The following NEDD4 variants were observed in gnomAD, a reference collection of about 807,000 sequenced individuals.
NEDD4 encodes the protein E3 ubiquitin-protein ligase NEDD4.
NEDD4 carries 99 observed loss-of-function variants against 144.9 expected under a neutral mutation model. The observed-to-expected ratio is 0.68, with a 90% CI of 0.58 to 0.81. The LOEUF is 0.81. Among genes scored for constraint, NEDD4 ranks in the 30% least tolerant of loss-of-function variants. NEDD4 has a pLI of 0.00. For missense variants in NEDD4, 985 were observed against 1,065.9 expected (o/e 0.92, Z 1.06); for synonymous variants, 318 against 350.6 (o/e 0.91, Z 1.04).
chr15:55,838,686 A>G lies in NEDD4; in HGVS notation c.2032-82T>C, dbSNP rs1310405681. 7.1e-6 allele frequency: 6 copies of G among 844,620 alleles called. No homozygotes were observed. In the East Asian group the frequency reaches 1.6e-4, roughly 22 times the overall value. 52.3% of individuals were successfully genotyped at this position (844,620 alleles called of 1,614,324 possible). A position where few individuals can be genotyped will look rare whatever the true frequency, so the allele number is the denominator to read the frequency against. On this transcript the variant is annotated intron_variant, in intron 21 of 28. Transcript: ENST00000435532. ...AAAAAACAGTATGTAGAGGGTCTGA[A>G]TAATTGGGTAAAAGATGAGAGGTCA...
At chr15:55,852,339 T>C in intron 13 of NEDD4, 85 bp downstream of exon 13, 3 of 1,393,256 alleles carry the variant, frequency 2.2e-6, no homozygotes, top group Non-Finnish European at 2.9e-6. Flanking sequence ...GTATCCAGTG[T>C]ATCCTACAAA....
intron 1 of NEDD4, among the ~76,000 whole-genome samples, chr15:55,978,994 AT>A (rs2037750966): frequency 6.6e-6 from 1 of 150,842 alleles, no homozygotes; most frequent in African/African-American, 2.4e-5. Context: ...GTCTTGAGAG[AT>A]TTTATCTTTT....
intron 5 of NEDD4, among the ~76,000 whole-genome samples, chr15:55,912,914 C>T (rs1189956185): frequency 6.6e-6 from 1 of 152,038 alleles, no homozygotes; most frequent in Non-Finnish European, 1.5e-5. Flanking sequence ...AGATAGACTA[C>T]AAAGTCTCAT....
chr15:55,902,422 T>C (rs1352059996), intron 5 of NEDD4, among the ~76,000 whole-genome samples: 3 of 152,166 alleles, frequency 2.0e-5, no homozygotes, highest in South Asian at 2.1e-4. Context: ...GCTTTATATA[T>C]GTAAAAGGCT....
intron 11 of NEDD4, among the ~76,000 whole-genome samples, chr15:55,857,256 T>C (rs150216881): frequency 0.013 from 1,981 of 152,330 alleles, 23 homozygotes; most frequent in Non-Finnish European, 0.018. Flanking sequence ...ATTTATTCTT[T>C]AGGTCTTTGA....
intron 5 of NEDD4, among the ~76,000 whole-genome samples, chr15:55,892,200 G>C (rs2035589953): frequency 6.6e-6 from 1 of 151,732 alleles, no homozygotes; most frequent in South Asian, 2.1e-4. Flanking sequence ...TGGAGGGGCA[G>C]AGGCTGCAGT....
intron 4 of NEDD4, among the ~76,000 whole-genome samples, chr15:55,949,403 A>C (rs1346055840): frequency 2.0e-5 from 3 of 152,328 alleles, no homozygotes; most frequent in African/African-American, 4.8e-5. Context: ...CGATTCCTCA[A>C]GGATCTAGAA....
chr15:55,884,603 AAAT>A (rs1260936740), intron 5 of NEDD4, among the ~76,000 whole-genome samples: 7 of 152,110 alleles, frequency 4.6e-5, no homozygotes, highest in Non-Finnish European at 1.0e-4. Context: ...AAAGAGATTA[AAAT>A]AATTAAAAAG....
At position 55,850,548 on chromosome 15, in the gene NEDD4, G is replaced by T. The variant is rs749912748; in HGVS notation, c.1341C>A (p.Thr447=). The T allele has an allele frequency of 6.2e-7, 1 of 1,613,898 alleles. No homozygotes were observed. Among genetic ancestry groups the T allele is most frequent in the Admixed American group, 1.7e-5 (1 of 60,002 alleles). Reference sequence around the variant, plus strand: ...GGAAAAGTATCAAAGTTACCCAGGTGGTGGTTTTAGTGTTGTGGTCAATAA... The same window carrying T: ...GGAAAAGTATCAAAGTTACCCAGGTTGTGGTTTTAGTGTTGTGGTCAATAA... ...PFFIDHNTKT[T]TWEDPRLKIP... Residue 447 remains threonine, a synonymous_variant, in exon 14 of 29, where the codon ACC becomes ACA. Transcript: ENST00000435532.
intron 4 of NEDD4, among the ~76,000 whole-genome samples, chr15:55,934,417 C>A (rs1018596687): frequency 1.5e-4 from 23 of 152,052 alleles, no homozygotes; most frequent in African/African-American, 5.6e-4. Context: ...CTGCTACGAA[C>A]ATTGGTGCGC....
chr15:55,869,779 T>A (rs1164143516), intron 7 of NEDD4, 98 bp from the exon 8 acceptor site: 1 of 748,580 alleles, frequency 1.3e-6, no homozygotes, highest in Non-Finnish European at 2.2e-6. Flanking sequence ...TACCAGGGGG[T>A]CTACAAAGGG....
At chr15:55,903,214 T>A (rs1490885495) in intron 5 of NEDD4, among the ~76,000 whole-genome samples, 1 of 152,172 alleles carries the variant, frequency 6.6e-6, no homozygotes, top group Non-Finnish European at 1.5e-5. Flanking sequence ...CTCTTTTTTT[T>A]CTTTCTGATG....
chr15:55,904,122 A>G (rs1352529350), intron 5 of NEDD4, among the ~76,000 whole-genome samples: 1 of 152,084 alleles, frequency 6.6e-6, no homozygotes, highest in Non-Finnish European at 1.5e-5. Context: ...AGATTGCACA[A>G]CTGCACTCCA....
At chr15:55,890,761 C>T (rs1363584292) in intron 5 of NEDD4, among the ~76,000 whole-genome samples, 9 of 152,224 alleles carry the variant, frequency 5.9e-5, no homozygotes, top group Admixed American at 5.2e-4. Context: ...TTTTACATTT[C>T]TATCAGCACT....
At chr15:55,927,099 AGAAAG>A (rs2036687568) in intron 4 of NEDD4, among the ~76,000 whole-genome samples, 9 of 135,328 alleles carry the variant, frequency 6.7e-5, no homozygotes, top group Middle Eastern at 4.1e-3. Flanking sequence ...AAAAAAAAAA[AGAAAG>A]AAAGAAAAAG....
rs2037515790 is a variant in NEDD4 at position 55,966,534 on chromosome 15, T to G, written c.58A>C (p.Ile20Leu). The G allele has an allele frequency of 1.3e-6, 2 of 1,518,256 alleles. No individual in the cohort carries two copies. Among genetic ancestry groups the G allele is most frequent in the Non-Finnish European group, 1.8e-6 (2 of 1,133,652 alleles). The allele number at this position is 1,518,256 out of a possible 1,614,324, so 94.0% of individuals were successfully genotyped here. A position where few individuals can be genotyped will look rare whatever the true frequency, so the allele number is the denominator to read the frequency against. The change falls in exon 2 of 29, where the codon ATT becomes CTT. Residue 20 changes from isoleucine (I) to leucine (L), a missense_variant. Physicochemically the swap from Ile to Leu is conservative, Grantham distance 5 (BLOSUM62 2). Transcript: ENST00000435532. ...CCGGCTATAACTCTTACTCTCACAA[T>G]TCGTGAATTTTCCTAAAATACAAAA... ...GLLEDEENSR[I>L]VRVRVIAGIG... is the part of the protein sequence containing the mutation.
intron 5 of NEDD4, among the ~76,000 whole-genome samples, chr15:55,922,762 G>C (rs1271012029): frequency 6.6e-6 from 1 of 152,168 alleles, no homozygotes; most frequent in East Asian, 1.9e-4. Context: ...AGTACTTGTG[G>C]AGGAAGAAAA....
At chr15:55,844,659 G>T (rs2033666297) in intron 18 of NEDD4, among the ~76,000 whole-genome samples, 1 of 152,140 alleles carries the variant, frequency 6.6e-6, no homozygotes, top group African/African-American at 2.4e-5. Flanking sequence ...CCCACATGGA[G>T]TTGTTTCAAC....
At chr15:55,970,897 G>A (rs2037596132) in intron 1 of NEDD4, among the ~76,000 whole-genome samples, 1 of 152,146 alleles carries the variant, frequency 6.6e-6, no homozygotes, top group South Asian at 2.1e-4. Flanking sequence ...ACATCCACAA[G>A]CATCAACATC....
Sources: allele counts gnomAD v4.1 joint callset (sites outside exome capture counted in the v4.1 genomes callset), GRCh38; gene constraint gnomAD v4.1.1; transcripts MANE v1.5; gene names NCBI Gene and HGNC (gene_info 2026-07-23, HGNC 2026-07-21).